SRPK2: variants seen among roughly 807,000 people sequenced by gnomAD.
SRPK2 encodes SRSF protein kinase 2, also known as SFRS protein kinase 2.
In SRPK2, 21 loss-of-function variants were observed where a neutral mutation model predicts 90.8. The observed-to-expected ratio is 0.23, with a 90% CI of 0.16 to 0.33. The LOEUF is 0.33. Ranked by LOEUF, SRPK2 falls within the 10% of genes least tolerant of loss-of-function variation. SRPK2 has a pLI of 1.00. For missense variants in SRPK2, 620 were observed against 869.0 expected, an observed-to-expected ratio of 0.71 and a Z score of 3.60; for synonymous variants, 288 against 311.1, an observed-to-expected ratio of 0.93 and a Z score of 0.78.
At chr7:105,124,691 G>A (rs796965722) in intron 15 of SRPK2, among the ~76,000 whole-genome samples, 8 of 142,794 alleles carry the variant, frequency 5.6e-5, no homozygotes, top group African/African-American at 2.0e-4. Flanking sequence ...AGCTAAGTAA[G>A]GTAGACAGAG....
At position 105,168,093 on chromosome 7, in the gene SRPK2, C is replaced by T. The variant is rs147076434; in HGVS notation, c.341G>A (p.Gly114Glu). 15 of 1,608,232 alleles carry T rather than the reference C, an allele frequency of 9.3e-6. No individual in the cohort carries two copies. The highest frequency in any genetic ancestry group is 1.3e-5 in the Non-Finnish European group (15 of 1,176,892). ...STVWLCWDMQGKRFVAMKVVK... is the reference protein window; with the variant it reads ...STVWLCWDMQEKRFVAMKVVK... ...AACTTTCATTGCAACAAATCTTTTC[C>T]CCCTAAAAGAAAAAACAAAAAAAGA... is the stretch of plus-strand genomic sequence containing the variant. The change falls in exon 5 of 16, where the codon GGG (glycine) becomes GAG (glutamate). Residue 114 changes from glycine to glutamate, a missense_variant and splice_region_variant. Physicochemically the swap from Gly to Glu is moderately conservative, Grantham distance 98. Transcript: ENST00000393651.
At chr7:105,366,295 C>G (rs1819044083) in intron 2 of SRPK2, among the ~76,000 whole-genome samples, 1 of 151,672 alleles carries the variant, frequency 6.6e-6, no homozygotes, top group South Asian at 2.1e-4. Context: ...TTAGATCCTT[C>G]CTCTTTTGCT....
At chr7:105,338,247 TG>T (rs1245457676) in intron 2 of SRPK2, among the ~76,000 whole-genome samples, 1 of 151,876 alleles carries the variant, frequency 6.6e-6, no homozygotes, top group African/African-American at 2.4e-5. Context: ...CAAGTTTTTT[TG>T]TTTTGTTTTG....
chr7:105,343,381 C>A (rs942066111), intron 2 of SRPK2, among the ~76,000 whole-genome samples: 1 of 152,120 alleles, frequency 6.6e-6, no homozygotes, highest in Non-Finnish European at 1.5e-5. Flanking sequence ...CTACAGTAAG[C>A]CAAGGTTTCA....
At chr7:105,258,070 C>T (rs1803597387) in intron 2 of SRPK2, among the ~76,000 whole-genome samples, 1 of 151,330 alleles carries the variant, frequency 6.6e-6, no homozygotes, top group African/African-American at 2.4e-5. Context: ...TGCCACTGCA[C>T]TCCATCCTGG....
intron 2 of SRPK2, among the ~76,000 whole-genome samples, chr7:105,363,076 T>C (rs1818619564): frequency 6.6e-6 from 1 of 152,058 alleles, no homozygotes; most frequent in African/African-American, 2.4e-5. Flanking sequence ...TTAGGAGATA[T>C]ACTTAATGTA....
At chr7:105,261,974 G>A (rs143581004) in intron 2 of SRPK2, among the ~76,000 whole-genome samples, 3,427 of 152,230 alleles carry the variant, frequency 0.023, 61 homozygotes, top group Middle Eastern at 0.075. Flanking sequence ...AGGGAGATGA[G>A]GACAGAGAAA....
intron 3 of SRPK2, among the ~76,000 whole-genome samples, chr7:105,179,396 G>A (rs1011075895): frequency 6.6e-6 from 1 of 152,170 alleles, no homozygotes; most frequent in Non-Finnish European, 1.5e-5. Flanking sequence ...TAACAAATGA[G>A]CAGGTCAGAG....
At chr7:105,121,828 A>C (rs1800426085) in intron 15 of SRPK2, among the ~76,000 whole-genome samples, 1 of 152,230 alleles carries the variant, frequency 6.6e-6, no homozygotes, top group African/African-American at 2.4e-5. Flanking sequence ...TTGTGAAGGA[A>C]AATACATTAT....
chr7:105,137,422 T>C (rs1462374896), intron 11 of SRPK2, among the ~76,000 whole-genome samples: 2 of 152,204 alleles, frequency 1.3e-5, no homozygotes, highest in Non-Finnish European at 2.9e-5. Context: ...CAGTTCTCTC[T>C]GGACTGCCAG....
chr7:105,334,187 T>C (rs373735563), intron 2 of SRPK2, among the ~76,000 whole-genome samples: 1 of 152,344 alleles, frequency 6.6e-6, no homozygotes, highest in African/African-American at 2.4e-5. Context: ...GTTCAAGCAA[T>C]TCTTCTGCCT....
At chr7:105,214,254 G>T (rs1797186856) in intron 2 of SRPK2, among the ~76,000 whole-genome samples, 1 of 152,152 alleles carries the variant, frequency 6.6e-6, no homozygotes, top group South Asian at 2.1e-4. Context: ...GCCTCTTCCA[G>T]CATATCACTA....
intron 2 of SRPK2, among the ~76,000 whole-genome samples, chr7:105,248,736 T>C (rs1442730374): frequency 6.6e-6 from 1 of 152,022 alleles, no homozygotes. Flanking sequence ...GGTCAGGAGA[T>C]TGAGACCATC....
At chr7:105,170,799 G>C in intron 3 of SRPK2, among the ~76,000 whole-genome samples, 1 of 116,750 alleles carries the variant, frequency 8.6e-6, no homozygotes, top group Admixed American at 9.2e-5. Flanking sequence ...GAGGGAGGGA[G>C]GGAGGGAGAG....
intron 10 of SRPK2, 45 bp from the exon 11 acceptor site, chr7:105,142,535 T>C: frequency 6.5e-7 from 1 of 1,547,236 alleles, no homozygotes; most frequent in Non-Finnish European, 8.7e-7. Flanking sequence ...TTACTCTCCT[T>C]AATACAGCCT....
chr7:105,161,105 T>G (rs1807571860), intron 6 of SRPK2, among the ~76,000 whole-genome samples: 2 of 151,974 alleles, frequency 1.3e-5, no homozygotes, highest in South Asian at 4.1e-4. Flanking sequence ...TTTTGTAATT[T>G]TAGTAGAGAC....
intron 1 of SRPK2, among the ~76,000 whole-genome samples, chr7:105,396,132 C>T (rs1822314974): frequency 1.3e-5 from 2 of 151,796 alleles, no homozygotes; most frequent in South Asian, 4.1e-4. Context: ...ACAGGCTGGT[C>T]TCGAACTCCC....
At chr7:105,162,774 T>C (rs1304007996) in intron 6 of SRPK2, among the ~76,000 whole-genome samples, 1 of 152,200 alleles carries the variant, frequency 6.6e-6, no homozygotes, top group African/African-American at 2.4e-5. Flanking sequence ...CTAAGTCTTC[T>C]CAAAGCACTG....
chr7:105,356,593 C>T (rs977164147), intron 2 of SRPK2, among the ~76,000 whole-genome samples: 2 of 152,036 alleles, frequency 1.3e-5, no homozygotes, highest in African/African-American at 4.8e-5. Context: ...TTTAGATAAA[C>T]CCATGAAATT....
Sources: allele counts gnomAD v4.1 joint callset (sites outside exome capture counted in the v4.1 genomes callset), GRCh38; gene constraint gnomAD v4.1.1; transcripts MANE v1.5; gene names NCBI Gene and HGNC (gene_info 2026-07-23, HGNC 2026-07-21).